Variants in DNAJB11 observed in about 807,000 individuals in gnomAD.
DNAJB11 encodes DnaJ heat shock protein family (Hsp40) member B11, also known as dnaJ homolog subfamily B member 11.
In DNAJB11, 30 loss-of-function variants were observed where a neutral mutation model predicts 47.2. The ratio of observed to expected loss-of-function variants is 0.64; its 90% CI spans 0.48 to 0.86. The LOEUF (loss-of-function observed/expected upper bound fraction) is 0.86. DNAJB11 is among the 40% of genes least tolerant of loss of function. DNAJB11 has a pLI of 0.00. For synonymous variants in DNAJB11, 151 were observed against 159.9 expected (o/e 0.94, Z 0.42); for missense variants, 357 against 440.2 (o/e 0.81, Z 1.69).
At chr3:186,581,668 G>T (rs1322849907) in intron 5 of DNAJB11, among the ~76,000 whole-genome samples, 155 bp downstream of exon 5, 1 of 150,712 alleles carries the variant, frequency 6.6e-6, no homozygotes, top group Non-Finnish European at 1.5e-5. Context: ...ATTTTTTTCT[G>T]AAGTATTTGT....
chr3:186,585,608 G>T lies in DNAJB11; in HGVS notation c.*200G>T, dbSNP rs1186559273. On this transcript the variant is annotated 3_prime_UTR_variant, in exon 10 of 10. Transcript: ENST00000265028. ...TTCGGAAAAGAATGACCAGCAAAAG[G>T]TTTACTAATACCTCTCCCTTTGGGG... 2.5e-6 allele frequency: 1 copy of T among 397,462 alleles called. No homozygotes were observed. Among genetic ancestry groups the T allele is most frequent in the South Asian group, 3.0e-5 (1 of 33,250 alleles). The allele number at this position is 397,462 out of a possible 1,614,324, so 24.6% of individuals were successfully genotyped here.
chr3:186,584,195 T>TA (rs2108486492), intron 8 of DNAJB11, among the ~76,000 whole-genome samples: 2 of 152,368 alleles, frequency 1.3e-5, no homozygotes, highest in Non-Finnish European at 2.9e-5. Context: ...ATCTTGTCCT[T>TA]ATAGTTTCTA....
rs1715526923 is a variant in DNAJB11 at position 186,582,704 on chromosome 3, T to G, written c.683-12T>G. On this transcript the variant is annotated splice_polypyrimidine_tract_variant and intron_variant, in intron 6 of 9. Transcript: ENST00000265028. ...GTATGATTTACAATATGCTGTAATC[T>G]GCTCTGACTAGGTGAGCCTCACGTG... 2 of 1,584,578 alleles carry G rather than the reference T, an allele frequency of 1.3e-6. No individual in the cohort carries two copies. The highest frequency in any genetic ancestry group is 1.7e-6 in the Non-Finnish European group (2 of 1,163,078).
At chr3:186,582,829 G>A (rs936052523) in intron 7 of DNAJB11, 56 bp downstream of exon 7, 7 of 1,265,430 alleles carry the variant, frequency 5.5e-6, no homozygotes, top group Non-Finnish European at 4.5e-6. Flanking sequence ...AGAGACGTAG[G>A]TGGCCACCAG....
At position 186,570,794 on chromosome 3, in the gene DNAJB11, C is replaced by T. The variant is rs1254127344; in HGVS notation, c.-104C>T. ...CGGACCAAGGAGACCCCCGCGCCCC[C>T]CCGGTGTGAGGCGGCCTCACAGGGC... On this transcript the variant is annotated 5_prime_UTR_variant, in exon 1 of 10. Transcript: ENST00000265028. 6.5e-6 allele frequency: 7 copies of T among 1,078,770 alleles called. No homozygotes were observed. Among genetic ancestry groups the T allele is most frequent in the East Asian group, 5.5e-5 (2 of 36,368 alleles). 66.8% of individuals were successfully genotyped at this position (1,078,770 alleles called of 1,614,324 possible).
At position 186,570,739 on chromosome 3, in the gene DNAJB11, G is replaced by A; in HGVS notation, c.-159G>A. 4.5e-6 allele frequency: 3 copies of A among 669,506 alleles called. No homozygotes were observed. Among genetic ancestry groups the A allele is most frequent in the South Asian group, 1.8e-5 (1 of 55,814 alleles). The allele number at this position is 669,506 out of a possible 1,614,324, so 41.5% of individuals were successfully genotyped here. A position where few individuals can be genotyped will look rare whatever the true frequency, so the allele number is the denominator to read the frequency against. ...CTCGGGACTCCCGGGAAGTGGACCG[G>A]CAGAAGAGGGGGCTAGCTAGCTGTC... On this transcript the variant is annotated 5_prime_UTR_variant, in exon 1 of 10. Coordinates refer to ENST00000265028, the MANE Select transcript of DNAJB11 (RefSeq NM_016306.6).
intron 2 of DNAJB11, among the ~76,000 whole-genome samples, chr3:186,574,486 T>C (rs1217506133): frequency 6.6e-6 from 1 of 152,250 alleles, no homozygotes; most frequent in Non-Finnish European, 1.5e-5. Context: ...TTTTTTTTTT[T>C]TCAAGTTAAT....
At chr3:186,577,614 A>G (rs1165555466) in intron 3 of DNAJB11, 54 bp from the exon 4 acceptor site, 1 of 1,466,656 alleles carries the variant, frequency 6.8e-7, no homozygotes, top group African/African-American at 1.5e-5. Flanking sequence ...TTAATTGTGA[A>G]ACATAGAGTC....
intron 2 of DNAJB11, among the ~76,000 whole-genome samples, chr3:186,572,517 T>C (rs1715118381): frequency 6.6e-6 from 1 of 152,196 alleles, no homozygotes; most frequent in Non-Finnish European, 1.5e-5. Context: ...AATTTTTGTA[T>C]TTTTAGTAGA....
rs368559871 is a variant in DNAJB11 at position 186,575,354 on chromosome 3, TGC to T, written c.226-472_226-471del. ...CTTGACTTGACAATCTCCTAATACA[TGC>T]GCGCGCGCGCGCGTGTGTGTGTGTG... is the stretch of plus-strand genomic sequence containing the variant. On this transcript the variant is annotated intron_variant, in intron 2 of 9. Transcript: ENST00000265028. 3.8e-3 allele frequency among the ~76,000 whole-genome samples: 487 copies of T among 129,458 alleles called. 2 individuals are homozygous for T. The highest frequency in any genetic ancestry group is 0.012 in the African/African-American group (408 of 33,504). 84.9% of individuals were successfully genotyped at this position (129,458 alleles called of 152,430 possible).
At chr3:186,581,539 T>C (rs779593278) in intron 5 of DNAJB11, 26 bp downstream of exon 5, 3 of 1,607,572 alleles carry the variant, frequency 1.9e-6, no homozygotes, top group Non-Finnish European at 1.7e-6. Context: ...TTCTTTGTTC[T>C]ACCAAGAAAC....
Position 186,570,882 on chromosome 3 carries a change from C to A in DNAJB11, c.-16C>A. 6.2e-7 allele frequency: 1 copy of A among 1,601,994 alleles called. No individual in the cohort carries two copies. Among genetic ancestry groups the A allele is most frequent in the Non-Finnish European group, 8.5e-7 (1 of 1,174,070 alleles). On this transcript the variant is annotated 5_prime_UTR_variant, in exon 1 of 10. Coordinates refer to ENST00000265028, the MANE Select transcript of DNAJB11 (RefSeq NM_016306.6). ...CTGTGAGGAGTGTGTGGAACAGGAC[C>A]CGGGACAGAGGAACCATGGCTCCGC...
intron 2 of DNAJB11, among the ~76,000 whole-genome samples, chr3:186,575,238 CA>C (rs1420448165): frequency 6.6e-6 from 1 of 152,132 alleles, no homozygotes; most frequent in Non-Finnish European, 1.5e-5. Flanking sequence ...AATTCTTCCA[CA>C]AATGGATTTC....
chr3:186,578,511 T>G (rs1177215911), intron 4 of DNAJB11: 1 of 152,244 alleles, frequency 6.6e-6, no homozygotes, highest in Non-Finnish European at 1.5e-5. Context: ...ATTTATGAGA[T>G]CCTATAGATT....
chr3:186,580,863 G>C (rs1379165224), intron 4 of DNAJB11: 1 of 152,410 alleles, frequency 6.6e-6, no homozygotes, highest in Non-Finnish European at 1.5e-5. Context: ...ACATGTTAAA[G>C]TATCTGAATG....
rs372751945 is a variant in DNAJB11 at position 186,581,487 on chromosome 3, G to T, written c.573G>T (p.Val191=). 2 of 1,613,176 alleles carry T rather than the reference G, an allele frequency of 1.2e-6. No individual in the cohort carries two copies. The highest frequency in any genetic ancestry group is 4.5e-5 in the East Asian group (2 of 44,846). ...GGCGCTTCCAAATGACCCAGGAGGT[G>T]GTCTGCGACGAATGCCCTAATGTCA... is the stretch of plus-strand genomic sequence containing the variant. The part of the protein sequence containing the change: ...GPGRFQMTQE[V]VCDECPNVKL... The change falls in exon 5 of 10, where the codon GTG becomes GTT. Residue 191 remains valine, a synonymous_variant. Coordinates refer to ENST00000265028, the MANE Select transcript of DNAJB11 (RefSeq NM_016306.6).
rs115592235 is a variant in DNAJB11 at position 186,582,634 on chromosome 3, T to C, written c.683-82T>C. 2,268 of 1,180,780 alleles carry C rather than the reference T, an allele frequency of 1.9e-3. 12 individuals carry two copies. Among genetic ancestry groups the C allele is most frequent in the African/African-American group, 0.015 (1,017 of 65,720 alleles). The allele number at this position is 1,180,780 out of a possible 1,614,324, so 73.1% of individuals were successfully genotyped here. On this transcript the variant is annotated intron_variant, in intron 6 of 9. Transcript: ENST00000265028. ...CAGGTCAATGCCCAAAGTAGTGGAT[T>C]AAAAAAATGTATCAGTTGCCAAATA...
At chr3:186,580,559 A>G (rs1317486172) in intron 4 of DNAJB11, 4 of 152,226 alleles carry the variant, frequency 2.6e-5, no homozygotes, top group African/African-American at 9.6e-5. Context: ...AGTGTTTGGC[A>G]CATGGCTTGG....
intron 2 of DNAJB11, 77 bp downstream of exon 2, chr3:186,572,328 T>A (rs1345171310): frequency 7.7e-7 from 1 of 1,302,790 alleles, no homozygotes; most frequent in Admixed American, 2.5e-5. Flanking sequence ...GAAACACTCC[T>A]TTCAGCTCAC....
Sources: allele counts gnomAD v4.1 joint callset (sites outside exome capture counted in the v4.1 genomes callset), GRCh38; gene constraint gnomAD v4.1.1; transcripts MANE v1.5; gene names NCBI Gene and HGNC (gene_info 2026-07-23, HGNC 2026-07-21).